MPPED2: variants seen among roughly 807,000 people sequenced by gnomAD.
MPPED2 encodes metallophosphoesterase domain containing 2.
MPPED2 carries 5 observed loss-of-function variants against 33.0 expected under a neutral mutation model. The observed-to-expected ratio is 0.15, with a 90% CI of 0.08 to 0.32. The LOEUF is 0.32. Among genes scored for constraint, MPPED2 ranks in the 10% least tolerant of loss-of-function variants. The pLI is 1.00. For missense variants in MPPED2, 275 were observed against 372.1 expected (o/e 0.74, Z 2.15); for synonymous variants, 136 against 141.9 (o/e 0.96, Z 0.29).
intron 3 of MPPED2, 116 bp downstream of exon 3, chr11:30,535,878 A>G: frequency 1.3e-6 from 1 of 769,366 alleles, no homozygotes; most frequent in Non-Finnish European, 2.0e-6. Flanking sequence ...ACCACCGCAT[A>G]TCATACGAGA....
intron 4 of MPPED2, among the ~76,000 whole-genome samples, chr11:30,492,451 CTTAAA>C (rs1409332016): frequency 6.6e-6 from 1 of 152,092 alleles, no homozygotes; most frequent in African/African-American, 2.4e-5. Flanking sequence ...CAAAAGTAAT[CTTAAA>C]TTATTTTTAA....
At chr11:30,542,360 T>A (rs185771312) in intron 2 of MPPED2, among the ~76,000 whole-genome samples, 102 of 147,788 alleles carry the variant, frequency 6.9e-4, no homozygotes, top group African/African-American at 2.4e-3. Flanking sequence ...ATGTCTGTAA[T>A]CCCAGCACTT....
chr11:30,585,120 C>A (rs1957398564), intron 1 of MPPED2, among the ~76,000 whole-genome samples: 1 of 152,074 alleles, frequency 6.6e-6, no homozygotes, highest in South Asian at 2.1e-4. Context: ...CCTCCTAGGC[C>A]GCAAAACCCC....
At chr11:30,568,784 T>C (rs548097946) in intron 2 of MPPED2, among the ~76,000 whole-genome samples, 1 of 152,286 alleles carries the variant, frequency 6.6e-6, no homozygotes, top group Non-Finnish European at 1.5e-5. Flanking sequence ...CTGTCACTAA[T>C]GGTCTGTCTT....
intron 3 of MPPED2, among the ~76,000 whole-genome samples, chr11:30,527,036 TGCCTCA>T (rs1429449469): frequency 1.3e-5 from 2 of 152,042 alleles, no homozygotes; most frequent in Non-Finnish European, 2.9e-5. Flanking sequence ...GCCATTGCCC[TGCCTCA>T]GCCTCTCGGA....
At chr11:30,526,544 T>A (rs775317847) in intron 3 of MPPED2, among the ~76,000 whole-genome samples, 7 of 152,120 alleles carry the variant, frequency 4.6e-5, no homozygotes, top group Non-Finnish European at 1.0e-4. Flanking sequence ...GAATCAGAGA[T>A]CTTGACTCTA....
At chr11:30,522,042 A>G (rs940746322) in intron 3 of MPPED2, among the ~76,000 whole-genome samples, 3 of 152,232 alleles carry the variant, frequency 2.0e-5, no homozygotes, top group Non-Finnish European at 4.4e-5. Context: ...TCCTAATTTC[A>G]TAGGACCAAG....
intron 4 of MPPED2, among the ~76,000 whole-genome samples, chr11:30,477,489 TTA>T (rs997268509): frequency 6.6e-6 from 1 of 151,936 alleles, no homozygotes; most frequent in Non-Finnish European, 1.5e-5. Flanking sequence ...TTTTCCTCTT[TTA>T]TCCTGTTAAT....
At position 30,390,170 on chromosome 11, in the gene MPPED2, C is replaced by T. The variant is rs1190389161; in HGVS notation, c.767-1214G>A. On this transcript the variant is annotated intron_variant, in intron 6 of 6. Transcript: ENST00000448418. ...TAAAATATGCCAGAAATATGAACTT[C>T]TAACTTCCCACTTGAGTTCAAATAA... 9.8e-5 allele frequency among the ~76,000 whole-genome samples: 15 copies of T among 152,330 alleles called. 1 individual carries two copies. The South Asian group carries it at 3.1e-3, about 32-fold the overall frequency.
At chr11:30,557,002 G>A (rs1290479349) in intron 2 of MPPED2, among the ~76,000 whole-genome samples, 2 of 151,678 alleles carry the variant, frequency 1.3e-5, no homozygotes, top group Non-Finnish European at 2.9e-5. Flanking sequence ...AATCATAAGG[G>A]GGTTAGTTTT....
chr11:30,448,756 C>A (rs1949922351), intron 4 of MPPED2, among the ~76,000 whole-genome samples: 1 of 151,372 alleles, frequency 6.6e-6, no homozygotes, highest in South Asian at 2.1e-4. Context: ...CTCACCGCAA[C>A]CTCCGCCTCC....
At chr11:30,514,828 G>A (rs951134043) in intron 3 of MPPED2, among the ~76,000 whole-genome samples, 2 of 152,130 alleles carry the variant, frequency 1.3e-5, no homozygotes, top group Non-Finnish European at 2.9e-5. Flanking sequence ...TAGGTCTGGC[G>A]CAATGACTCA....
chr11:30,410,947 A>G lies in MPPED2; in HGVS notation c.*521T>C, dbSNP rs557632087. ...TTCTTTATAGTGAGAGTATGAAAAGAAGTCTTTTCCATGCCTACTTCTGTT... is the reference window on the plus strand; with the variant it reads ...TTCTTTATAGTGAGAGTATGAAAAGGAGTCTTTTCCATGCCTACTTCTGTT... On this transcript the variant is annotated 3_prime_UTR_variant, in exon 7 of 7. Transcript: ENST00000358117. The G allele has an allele frequency of 1.5e-4, 147 of 985,796 alleles. No homozygotes were observed. The highest frequency in any genetic ancestry group is 1.3e-3 in the African/African-American group (73 of 57,348). The allele number at this position is 985,796 out of a possible 1,614,324, so 61.1% of individuals were successfully genotyped here.
chr11:30,497,860 C>T (rs958377790), intron 3 of MPPED2, among the ~76,000 whole-genome samples: 9 of 152,154 alleles, frequency 5.9e-5, no homozygotes, highest in African/African-American at 1.7e-4. Context: ...ATGATATTTA[C>T]ACATCACCAA....
chr11:30,524,524 G>A (rs1259499997), intron 3 of MPPED2, among the ~76,000 whole-genome samples: 7 of 152,188 alleles, frequency 4.6e-5, no homozygotes, highest in Non-Finnish European at 8.8e-5. Context: ...AGTAAAAATG[G>A]TGATAACAGC....
chr11:30,540,745 T>C (rs138585921), intron 2 of MPPED2, among the ~76,000 whole-genome samples: 2,416 of 152,302 alleles, frequency 0.016, 41 homozygotes, highest in Non-Finnish European at 0.022. Flanking sequence ...CTGTCCCTCC[T>C]TCTTAATCCT....
At chr11:30,552,269 G>T (rs1289007785) in intron 2 of MPPED2, among the ~76,000 whole-genome samples, 4 of 152,136 alleles carry the variant, frequency 2.6e-5, no homozygotes, top group Non-Finnish European at 5.9e-5. Context: ...AATGGCAAGG[G>T]ACAAGCAAAT....
At chr11:30,536,404 TA>T (rs1177903805) in intron 2 of MPPED2, among the ~76,000 whole-genome samples, 8 of 151,990 alleles carry the variant, frequency 5.3e-5, no homozygotes, top group Non-Finnish European at 8.8e-5. Context: ...GTAGGAAAAT[TA>T]AAAGGAATGA....
At position 30,444,468 on chromosome 11, in the gene MPPED2, T is replaced by A. The variant is rs563918375; in HGVS notation, c.537-26835A>T. Among the ~76,000 whole-genome samples the A allele has an allele frequency of 4.1e-5, 6 of 148,112 alleles. No homozygotes were observed. In the South Asian group the frequency reaches 1.3e-3, roughly 32 times the overall value. ...TCATTCTATTTTTTTTTTTTTTTTT[T>A]AGAAAAAACACATTTTTCCAAGATG... is the stretch of plus-strand genomic sequence containing the variant. On this transcript the variant is annotated intron_variant, in intron 4 of 6. Transcript: ENST00000358117.
Sources: gnomAD v4.1 joint callset for allele counts (sites outside exome capture counted in the v4.1 genomes callset) on GRCh38, gnomAD v4.1.1 for gene constraint, MANE v1.5 for transcripts, NCBI Gene and HGNC (gene_info 2026-07-23, HGNC 2026-07-21) for gene names.